Variants in ZFC3H1 observed in about 807,000 individuals in gnomAD.
ZFC3H1 encodes the protein zinc finger C3H1 domain-containing protein.
ZFC3H1 carries 71 observed loss-of-function variants against 243.7 expected under a neutral mutation model. That is an observed-to-expected ratio of 0.29 (90% confidence interval 0.24 to 0.36). The LOEUF (loss-of-function observed/expected upper bound fraction) is 0.36, where lower values mean the gene tolerates loss of function less well. ZFC3H1 is among the 10% of genes least tolerant of loss of function. The probability of loss-of-function intolerance (pLI) is 1.00; values close to 1 mark genes in which losing one functional copy is unlikely to be tolerated. For synonymous variants in ZFC3H1, 838 were observed against 813.0 expected (o/e 1.03, Z -0.52); for missense variants, 1,966 against 2,317.1 (o/e 0.85, Z 3.11).
intron 16 of ZFC3H1, 48 bp from the exon 17 acceptor site, chr12:71,631,002 T>C (rs201388607): frequency 4.8e-6 from 7 of 1,453,118 alleles, no homozygotes; most frequent in Non-Finnish European, 6.4e-6. Flanking sequence ...CAAACATTCC[T>C]CAGAAAACTA....
intron 5 of ZFC3H1, 101 bp downstream of exon 5, chr12:71,643,994 G>A (rs1880663658): frequency 9.4e-7 from 1 of 1,059,504 alleles, no homozygotes; most frequent in African/African-American, 1.6e-5. Flanking sequence ...TTTTCCAAGA[G>A]TTATTTATAA....
At chr12:71,656,726 A>C in intron 2 of ZFC3H1, 159 bp downstream of exon 2, 1 of 772,442 alleles carries the variant, frequency 1.3e-6, no homozygotes, top group Non-Finnish European at 2.0e-6. Context: ...AAAAGTAAAC[A>C]AAATTAGTAA....
rs770975089 is a variant in ZFC3H1 at position 71,632,233 on chromosome 12, A to G, written c.3099T>C (p.Asp1033=). The part of the protein sequence containing the change: ...TLDTEENDVD[D]EILSGSSRER... ...CTCTGCTTGAACCAGACAAAATTTC[A>G]TCATCAACATCATTTTCTTCAGTGT... Residue 1033 remains aspartate, a synonymous_variant, in exon 15 of 35, where the codon GAT becomes GAC. Coordinates refer to ENST00000378743, the MANE Select transcript of ZFC3H1 (RefSeq NM_144982.5). 3 of 1,611,516 alleles carry G rather than the reference A, an allele frequency of 1.9e-6. No homozygotes were observed. The highest frequency in any genetic ancestry group is 1.7e-4 in the Middle Eastern group (1 of 6,032).
At chr12:71,654,693 A>G (rs1880972737) in intron 2 of ZFC3H1, among the ~76,000 whole-genome samples, 1 of 152,210 alleles carries the variant, frequency 6.6e-6, no homozygotes, top group Non-Finnish European at 1.5e-5. Context: ...AAAAGAAAAA[A>G]AAGAAGAAGA....
intron 12 of ZFC3H1, 79 bp downstream of exon 12, chr12:71,634,076 G>A (rs906970172): frequency 1.2e-5 from 16 of 1,378,682 alleles, no homozygotes; most frequent in Admixed American, 4.5e-5. Context: ...CTTATAGTAC[G>A]CTTATTAATA....
At chr12:71,650,003 A>G (rs2137555031) in intron 2 of ZFC3H1, among the ~76,000 whole-genome samples, 1 of 152,314 alleles carries the variant, frequency 6.6e-6, no homozygotes, top group Non-Finnish European at 1.5e-5. Context: ...CCTGGCTAAC[A>G]TGGTGAAACC....
intron 3 of ZFC3H1, among the ~76,000 whole-genome samples, chr12:71,646,057 G>A (rs935793416): frequency 6.6e-5 from 10 of 152,100 alleles, no homozygotes; most frequent in African/African-American, 1.9e-4. Context: ...TAGGTAAATT[G>A]TAATTATATT....
rs1592592136 is a variant in ZFC3H1, at chr12:71,632,075, A to G, written c.3257T>C (p.Leu1086Ser). ...TVEKPELFLG[L>S]KIGELQKLYS... ...CAATTTTTGCAATTCACCAATTTTT[A>G]ACCCTAGAAAAAGTTCTGGTTTTTC... Residue 1086 changes from leucine (L) to serine (S), a missense_variant, in exon 15 of 35, where the codon TTA becomes TCA. Physicochemically the swap from Leu to Ser is moderately radical, Grantham distance 145. Coordinates refer to ENST00000378743, the MANE Select transcript of ZFC3H1 (RefSeq NM_144982.5). The G allele has an allele frequency of 6.2e-7, 1 of 1,609,952 alleles. No individual in the cohort carries two copies. The highest frequency in any genetic ancestry group is 1.3e-5 in the African/African-American group (1 of 74,596).
In ZFC3H1 at chr12:71,634,837, A is replaced by C. The variant is rs1324409818; in HGVS notation, c.2239-12T>G. The C allele has an allele frequency of 6.3e-7, 1 of 1,577,846 alleles. No individual in the cohort carries two copies. The highest frequency in any genetic ancestry group is 8.5e-7 in the Non-Finnish European group (1 of 1,170,946). ...GGTTTTGAAGCTTGCTAAAAAAAAA[A>C]AAACATTTGAAGTCAACTAGATCAT... On this transcript the variant is annotated splice_polypyrimidine_tract_variant and intron_variant, in intron 10 of 34. Coordinates refer to ENST00000378743, the MANE Select transcript of ZFC3H1 (RefSeq NM_144982.5).
rs372441800 is a variant in ZFC3H1 at position 71,623,506 on chromosome 12, A to G, written c.4598T>C (p.Ile1533Thr). ...CLAWLAYIHL[I>T]EFNILPSKFY... ...TTTTGAAGGGAGAATGTTGAATTCA[A>G]TAAGATGTATGTAGGCCAACCATGC... Residue 1533 changes from isoleucine (I) to threonine (T), a missense_variant, in exon 24 of 35, where the codon ATT (isoleucine) becomes ACT (threonine). By Grantham distance (89) the Ile-to-Thr change is moderately conservative. Around this residue, in one of 4 missense-constraint regions of ZFC3H1, gnomAD observed 1,383 missense variants for 1,723.7 expected, o/e 0.80. Transcript: ENST00000378743. 4.2e-5 allele frequency: 67 copies of G among 1,613,710 alleles called. No homozygotes were observed. Among genetic ancestry groups the G allele is most frequent in the Admixed American group, 1.2e-4 (7 of 59,982 alleles).
At position 71,627,890 on chromosome 12, in the gene ZFC3H1, C is replaced by T. The variant is rs1880210162; in HGVS notation, c.3991G>A (p.Val1331Ile). ...NQINVPALDT[V>I]VTPDDVRYFT... is the part of the protein sequence containing the mutation. ...TATCTGACATCATCTGGAGTGACAA[C>T]TGTATCCAGAGCTGGAACATTTATT... The change falls in exon 21 of 35, where the codon GTT becomes ATT. Residue 1331 changes from valine to isoleucine, a missense_variant. Val to Ile is a conservative substitution (Grantham distance 29). Coordinates refer to ENST00000378743, the MANE Select transcript of ZFC3H1 (RefSeq NM_144982.5). 1.9e-6 allele frequency: 3 copies of T among 1,613,270 alleles called. No homozygotes were observed.
chr12:71,653,853 T>C (rs1592602852), intron 2 of ZFC3H1, among the ~76,000 whole-genome samples: 2 of 151,678 alleles, frequency 1.3e-5, no homozygotes, highest in African/African-American at 4.8e-5. Flanking sequence ...CCAGCTCCAC[T>C]AAATACAAAA....
At chr12:71,636,377 T>C in intron 9 of ZFC3H1, 113 bp downstream of exon 9, 1 of 768,026 alleles carries the variant, frequency 1.3e-6, no homozygotes, top group East Asian at 3.3e-5. Context: ...TATTTATATG[T>C]GAATATATGT....
At chr12:71,655,489 GA>G (rs1017174119) in intron 2 of ZFC3H1, among the ~76,000 whole-genome samples, 6 of 150,850 alleles carry the variant, frequency 4.0e-5, no homozygotes, top group South Asian at 4.2e-4. Flanking sequence ...AGAGAGCAGG[GA>G]AAAAAAAGGT....
At chr12:71,657,408 A>G in intron 1 of ZFC3H1, 107 bp from the exon 2 acceptor site, 2 of 872,058 alleles carry the variant, frequency 2.3e-6, no homozygotes, top group Non-Finnish European at 3.3e-6. Context: ...TTTTTCAAGA[A>G]AAATGAATCG....
Position 71,624,215 on chromosome 12 carries a change from G to C in ZFC3H1, c.4395C>G (p.Ala1465=), listed in dbSNP as rs771475216. ...ACAAAATATTGGATGTTTCCTGCTT[G>C]GCTGCTCCCATCAGAAACTCCAACA... ...ERMLEFLMGA[A]KQETSNILSF... Residue 1465 remains alanine (A), a synonymous_variant, in exon 23 of 35, where the codon GCC becomes GCG. Coordinates refer to ENST00000378743, the MANE Select transcript of ZFC3H1 (RefSeq NM_144982.5). 6.2e-7 allele frequency: 1 copy of C among 1,614,042 alleles called. No individual in the cohort carries two copies. The highest frequency in any genetic ancestry group is 8.5e-7 in the Non-Finnish European group (1 of 1,179,984).
At position 71,610,349 on chromosome 12, in the gene ZFC3H1, G is replaced by T; in HGVS notation, c.*79C>A. 1.3e-6 allele frequency: 2 copies of T among 1,510,732 alleles called. No homozygotes were observed. The highest frequency in any genetic ancestry group is 1.3e-5 in the South Asian group (1 of 78,398). 93.6% of individuals were successfully genotyped at this position (1,510,732 alleles called of 1,614,324 possible). ...TCTGCCTTACACAGACCTTAGCCAG[G>T]GATCAGCCTAATCTTGAAGAATCAT... On this transcript the variant is annotated 3_prime_UTR_variant, in exon 35 of 35. Coordinates refer to ENST00000378743, the MANE Select transcript of ZFC3H1 (RefSeq NM_144982.5).
In ZFC3H1 at chr12:71,636,536, T is replaced by G. The variant is rs747286472; in HGVS notation, c.2054A>C (p.Asn685Thr). 3.1e-6 allele frequency: 5 copies of G among 1,611,256 alleles called. No homozygotes were observed. The highest frequency in any genetic ancestry group is 2.2e-5 in the East Asian group (1 of 44,652). Residue 685 changes from asparagine (N) to threonine (T), a missense_variant, in exon 9 of 35, where the codon AAT becomes ACT. By Grantham distance (65) the Asn-to-Thr change is moderately conservative. This residue lies in a region of ZFC3H1 where 1,383 missense variants were observed against 1,723.7 expected (regional missense o/e 0.80). Transcript: ENST00000378743. ...INTVSQPRIQ[N>T]PKFHRGPRLP... The stretch of plus-strand genomic sequence containing the variant: ...ACGGGGTCCTCTGTGAAACTTTGGA[T>G]TCTGTATCCTAGGCTGAGACACTGT...
intron 24 of ZFC3H1, among the ~76,000 whole-genome samples, chr12:71,622,089 T>C (rs1880045225): frequency 6.6e-6 from 1 of 152,246 alleles, no homozygotes; most frequent in Non-Finnish European, 1.5e-5. Context: ...TGATAAGACC[T>C]ATCCCTTTTC....
Sources: gnomAD v4.1 joint callset for allele counts (sites outside exome capture counted in the v4.1 genomes callset) on GRCh38, gnomAD v4.1.1 for gene constraint, gnomAD v4.1.1 regional missense constraint, MANE v1.5 for transcripts, NCBI Gene and HGNC (gene_info 2026-07-23, HGNC 2026-07-21) for gene names.